The following LGR5 variants were observed in gnomAD, a reference collection of about 807,000 sequenced individuals.
LGR5 encodes leucine-rich repeat-containing G protein-coupled receptor 5.
LGR5 carries 54 observed loss-of-function variants against 76.7 expected under a neutral mutation model. That is an observed-to-expected ratio of 0.70 (90% CI 0.57 to 0.88). The LOEUF is 0.88. LGR5 is among the 40% of genes least tolerant of loss of function. The pLI, the probability that LGR5 is intolerant of heterozygous loss-of-function variation, is 0.00. For missense variants in LGR5, 1,078 were observed against 1,073.3 expected (o/e 1.00, Z -0.06); for synonymous variants, 406 against 421.9 (o/e 0.96, Z 0.46).
rs780950319 is a variant in LGR5 at position 71,474,786 on chromosome 12, G to A, written c.213-29828G>A. On this transcript the variant is annotated intron_variant, in intron 1 of 17. Coordinates refer to ENST00000266674, the MANE Select transcript of LGR5 (RefSeq NM_003667.4). ...ACTATAAACAATGTAGCAACTGATC[G>A]TCTTCTAGAATGAGTCTGATAAAAA... 4.1e-4 allele frequency among the ~76,000 whole-genome samples: 62 copies of A among 152,256 alleles called. 1 individual carries two copies. Among genetic ancestry groups the A allele is most frequent in the African/African-American group, 1.2e-3 (50 of 41,536 alleles).
At chr12:71,499,332 T>C (rs905330481) in intron 1 of LGR5, among the ~76,000 whole-genome samples, 2 of 152,080 alleles carry the variant, frequency 1.3e-5, no homozygotes, top group Non-Finnish European at 2.9e-5. Context: ...CAAGGGTCTG[T>C]TGAACTAGAT....
chr12:71,510,600 T>C (rs1269907403), intron 2 of LGR5, among the ~76,000 whole-genome samples: 1 of 152,164 alleles, frequency 6.6e-6, no homozygotes, highest in Non-Finnish European at 1.5e-5. Context: ...GTTCCATTCA[T>C]TCATTCAGCA....
chr12:71,465,163 C>T (rs1872814164), intron 1 of LGR5, among the ~76,000 whole-genome samples: 1 of 152,168 alleles, frequency 6.6e-6, no homozygotes, highest in African/African-American at 2.4e-5. Context: ...GCTGGAGCTC[C>T]AGCTGCACGA....
intron 1 of LGR5, among the ~76,000 whole-genome samples, chr12:71,444,669 T>C (rs1871907106): frequency 6.6e-6 from 1 of 152,140 alleles, no homozygotes; most frequent in Non-Finnish European, 1.5e-5. Context: ...AGAAATAGCC[T>C]GTGTAGTTAA....
intron 4 of LGR5, among the ~76,000 whole-genome samples, chr12:71,543,941 G>T (rs188086863): frequency 6.6e-6 from 1 of 152,102 alleles, no homozygotes. Flanking sequence ...AAGGGTCTTC[G>T]TTTTCTATGA....
chr12:71,489,193 G>C (rs1305284495), intron 1 of LGR5, among the ~76,000 whole-genome samples: 1 of 152,152 alleles, frequency 6.6e-6, no homozygotes, highest in African/African-American at 2.4e-5. Context: ...TTACTGGTTT[G>C]ACAAGCCACA....
chr12:71,469,437 T>C (rs1402314278), intron 1 of LGR5, among the ~76,000 whole-genome samples: 2 of 152,222 alleles, frequency 1.3e-5, no homozygotes, highest in Non-Finnish European at 1.5e-5. Flanking sequence ...TGGGCGGGCC[T>C]GTCACTCCAA....
At chr12:71,490,478 C>T (rs548314126) in intron 1 of LGR5, among the ~76,000 whole-genome samples, 3 of 152,100 alleles carry the variant, frequency 2.0e-5, no homozygotes, top group African/African-American at 4.8e-5. Context: ...TTACAATATT[C>T]GAGATGGAGA....
chr12:71,508,283 G>A (rs73142382), intron 2 of LGR5, among the ~76,000 whole-genome samples: 7,823 of 152,064 alleles, frequency 0.051, 244 homozygotes, highest in Non-Finnish European at 0.074. Flanking sequence ...CTTCCCCTTA[G>A]CTCTAATTAC....
At chr12:71,544,277 T>C (rs1420541355) in intron 4 of LGR5, among the ~76,000 whole-genome samples, 1 of 146,080 alleles carries the variant, frequency 6.8e-6, no homozygotes, top group African/African-American at 2.5e-5. Context: ...TTTTTCTTTG[T>C]CTTTTTTTTT....
intron 1 of LGR5, among the ~76,000 whole-genome samples, chr12:71,473,621 T>A (rs1051797745): frequency 6.6e-6 from 1 of 150,988 alleles, no homozygotes; most frequent in Non-Finnish European, 1.5e-5. Context: ...AAAATATTTT[T>A]ATTAAATAAA....
In LGR5 at chr12:71,440,427, C is replaced by G; in HGVS notation, c.212+135C>G. 1.2e-6 allele frequency: 1 copy of G among 813,524 alleles called. No individual in the cohort carries two copies. 50.4% of individuals were successfully genotyped at this position (813,524 alleles called of 1,614,324 possible). ...GCGAGTTTGTCAAGGGCATCCTGGC[C>G]AGGCCTGTTAGGGCCCCCAGAGAAA... On this transcript the variant is annotated intron_variant, in intron 1 of 17. Coordinates refer to ENST00000266674, the MANE Select transcript of LGR5 (RefSeq NM_003667.4). The surrounding 1 kb of genome is among the most constrained non-coding windows in gnomAD (Gnocchi z 5.3).
chr12:71,581,017 G>A (rs971520242), intron 16 of LGR5, among the ~76,000 whole-genome samples: 4 of 152,148 alleles, frequency 2.6e-5, no homozygotes, highest in Admixed American at 2.6e-4. Flanking sequence ...ACTGTCCTCA[G>A]GGGTGATTAC....
At chr12:71,479,535 T>A (rs1873491914) in intron 1 of LGR5, among the ~76,000 whole-genome samples, 1 of 151,898 alleles carries the variant, frequency 6.6e-6, no homozygotes, top group Non-Finnish European at 1.5e-5. Context: ...CACAAACTTT[T>A]CTAAGTGAAA....
chr12:71,523,874 T>C (rs563223804), intron 2 of LGR5, among the ~76,000 whole-genome samples: 1 of 152,214 alleles, frequency 6.6e-6, no homozygotes, highest in Non-Finnish European at 1.5e-5. Context: ...CTCTATTAAA[T>C]CATGTTAAAT....
intron 13 of LGR5, among the ~76,000 whole-genome samples, chr12:71,573,318 A>G (rs1204928148): frequency 6.6e-6 from 1 of 152,168 alleles, no homozygotes; most frequent in Non-Finnish European, 1.5e-5. Context: ...GTGCTTAATA[A>G]TCACCTCGAG....
chr12:71,543,156 C>A (rs938867193), intron 4 of LGR5, among the ~76,000 whole-genome samples: 1 of 152,150 alleles, frequency 6.6e-6, no homozygotes, highest in African/African-American at 2.4e-5. Flanking sequence ...GGTGATAGGG[C>A]CATAGGCTAG....
intron 4 of LGR5, among the ~76,000 whole-genome samples, chr12:71,545,167 C>T (rs569969354): frequency 3.9e-5 from 6 of 152,092 alleles, no homozygotes; most frequent in East Asian, 3.9e-4. Flanking sequence ...CTCATCCAGC[C>T]GGGCACAGTG....
At chr12:71,441,146 A>G (rs1248922349) in intron 1 of LGR5, among the ~76,000 whole-genome samples, 1 of 151,990 alleles carries the variant, frequency 6.6e-6, no homozygotes, top group African/African-American at 2.4e-5. Context: ...TTCTCTCCCC[A>G]CTGCAACTTC....
Sources: allele counts gnomAD v4.1 joint callset (sites outside exome capture counted in the v4.1 genomes callset), GRCh38; gene constraint gnomAD v4.1.1; non-coding constraint Gnocchi (gnomAD v3.1); transcripts MANE v1.5; gene names NCBI Gene and HGNC (gene_info 2026-07-23, HGNC 2026-07-21).